Variants in SLC16A6 observed in about 807,000 individuals in gnomAD.
SLC16A6 encodes solute carrier family 16 member 6, also known as monocarboxylate transporter 7.
In SLC16A6, 15 loss-of-function variants were observed where a neutral mutation model predicts 33.8. The observed-to-expected ratio is 0.44, with a 90% confidence interval of 0.30 to 0.68. The LOEUF (loss-of-function observed/expected upper bound fraction) is 0.68. Ranked by LOEUF, SLC16A6 falls within the 30% of genes least tolerant of loss-of-function variation. The pLI is 0.10. For synonymous variants in SLC16A6, 219 were observed against 248.4 expected, an observed-to-expected ratio of 0.88 and a Z score of 1.11; for missense variants, 451 against 661.5, an observed-to-expected ratio of 0.68 and a Z score of 3.49.
chr17:68,280,273 G>A (rs147810065), intron 1 of SLC16A6, among the ~76,000 whole-genome samples: 2,254 of 148,314 alleles, frequency 0.015, 55 homozygotes, highest in African/African-American at 0.054. Flanking sequence ...ATTCTTCACA[G>A]AAATAGAAGA....
intron 1 of SLC16A6, among the ~76,000 whole-genome samples, chr17:68,285,117 G>C (rs979902408): frequency 2.0e-5 from 3 of 152,176 alleles, no homozygotes; most frequent in Admixed American, 2.0e-4. Context: ...CATCTGAAAT[G>C]CATCCTATGT....
chr17:68,267,879 T>A lies in SLC16A6; in HGVS notation c.*1217A>T, dbSNP rs1310639274. On this transcript the variant is annotated 3_prime_UTR_variant, in exon 6 of 6. Coordinates refer to ENST00000580666, the MANE Select transcript of SLC16A6 (RefSeq NM_004694.5). ...CAACTTGTAACTCGCTATAACATAA[T>A]TGTCTCTGTTACCCCCATGTGAAAT... 6.6e-6 allele frequency: 1 copy of A among 152,226 alleles called. No individual in the cohort carries two copies. The highest frequency in any genetic ancestry group is 1.5e-5 in the Non-Finnish European group (1 of 68,032). The allele number at this position is 152,226 out of a possible 1,614,324, so 9.4% of individuals were successfully genotyped here. A position where few individuals can be genotyped will look rare whatever the true frequency, so the allele number is the denominator to read the frequency against.
At chr17:68,277,998 G>A in intron 2 of SLC16A6, 91 bp downstream of exon 2, 2 of 795,674 alleles carry the variant, frequency 2.5e-6, no homozygotes, top group East Asian at 2.6e-5. Context: ...GGGAATGAAA[G>A]CATCACAAAC....
Position 68,273,940 on chromosome 17 carries a change from G to A in SLC16A6, c.363C>T (p.Ile121=), listed in dbSNP as rs149777270. The A allele has an allele frequency of 3.5e-4, 562 of 1,614,056 alleles. 3 individuals carry two copies. The highest frequency in any genetic ancestry group is 7.9e-4 in the African/African-American group (59 of 75,038). The change falls in exon 3 of 6, where the codon ATC becomes ATT. Residue 121 remains isoleucine, a synonymous_variant. Transcript: ENST00000580666. ...AGGAACACTTACCAGAGATGATGCCGATGGCGACGTACATATGAGAAACCT... is the reference window on the plus strand; with the variant it reads ...AGGAACACTTACCAGAGATGATGCCAATGGCGACGTACATATGAGAAACCT... ...SQEVSHMYVA[I]GIISGLGYCF... is the part of the protein sequence containing the mutation.
chr17:68,273,379 C>T (rs1219446991), intron 3 of SLC16A6, among the ~76,000 whole-genome samples: 5 of 152,012 alleles, frequency 3.3e-5, no homozygotes, highest in African/African-American at 7.2e-5. Context: ...CGCACCACCA[C>T]GCTTGGCTAG....
At chr17:68,270,061 A>G (rs553975477) in intron 5 of SLC16A6, among the ~76,000 whole-genome samples, 4 of 152,320 alleles carry the variant, frequency 2.6e-5, no homozygotes, top group South Asian at 2.1e-4. Flanking sequence ...AAACATACCT[A>G]TGTCCCTCCT....
intron 1 of SLC16A6, among the ~76,000 whole-genome samples, chr17:68,280,026 A>G (rs2075641709): frequency 6.6e-6 from 1 of 152,048 alleles, no homozygotes; most frequent in African/African-American, 2.4e-5. Context: ...TACTAAAACT[A>G]CAAAAATTAG....
At position 68,271,799 on chromosome 17, in the gene SLC16A6, CA is replaced by C. The variant is rs782085519; in HGVS notation, c.506-146del. The C allele has an allele frequency of 4.0e-5, 26 of 656,244 alleles. No individual in the cohort carries two copies. The highest frequency in any genetic ancestry group is 6.0e-5 in the Non-Finnish European group (23 of 383,708). The allele number at this position is 656,244 out of a possible 1,614,324, so 40.7% of individuals were successfully genotyped here. A position where few individuals can be genotyped will look rare whatever the true frequency, so the allele number is the denominator to read the frequency against. On this transcript the variant is annotated intron_variant, in intron 4 of 5. Coordinates refer to ENST00000580666, the MANE Select transcript of SLC16A6 (RefSeq NM_004694.5). The surrounding 1 kb of genome is among the most constrained non-coding windows in gnomAD (Gnocchi z 5.3). ...TTATACTCAGCAGTATGAATGTACT[CA>C]ATCTTTATTTATTTACTTTTTGAGA...
chr17:68,271,354 A>G lies in SLC16A6; in HGVS notation c.806T>C (p.Leu269Pro), dbSNP rs1212326503. 1 of 1,614,164 alleles carries G rather than the reference A, an allele frequency of 6.2e-7. No homozygotes were observed. Among genetic ancestry groups the G allele is most frequent in the African/African-American group, 1.3e-5 (1 of 74,950 alleles). The change falls in exon 5 of 6, where the codon CTG becomes CCG. Residue 269 changes from leucine (L) to proline (P), a missense_variant. Physicochemically the swap from Leu to Pro is moderately conservative, Grantham distance 98. Around this residue, in one of 2 missense-constraint regions of SLC16A6, gnomAD observed 405 missense variants for 510.7 expected, o/e 0.79. Coordinates refer to ENST00000580666, the MANE Select transcript of SLC16A6 (RefSeq NM_004694.5). The surrounding 1 kb of genome is among the most constrained non-coding windows in gnomAD (Gnocchi z 5.3). ...LEPKADMQQV[L>P]VKTSPRPSEK... ...GCTTGGCCTGGGGCTGGTCTTCACC[A>G]GGACCTGCTGCATGTCGGCCTTCGG...
intron 1 of SLC16A6, among the ~76,000 whole-genome samples, chr17:68,280,489 G>A (rs187190037): frequency 1.3e-5 from 2 of 152,084 alleles, no homozygotes; most frequent in Admixed American, 6.6e-5. Context: ...TAATCCACAT[G>A]TCTACACCCA....
chr17:68,283,591 C>T (rs912846570), intron 1 of SLC16A6, among the ~76,000 whole-genome samples: 2 of 151,150 alleles, frequency 1.3e-5, no homozygotes, highest in Non-Finnish European at 2.9e-5. Flanking sequence ...GAAGCTGAGG[C>T]GGGTGGATCA....
intron 1 of SLC16A6, 72 bp downstream of exon 1, chr17:68,291,014 A>G (rs2075967105): frequency 1.3e-5 from 2 of 152,196 alleles, no homozygotes; most frequent in African/African-American, 4.8e-5. Flanking sequence ...AGGCCCCAAC[A>G]CATATTTTTT....
At chr17:68,280,815 G>A (rs149632622) in intron 1 of SLC16A6, among the ~76,000 whole-genome samples, 24 of 152,228 alleles carry the variant, frequency 1.6e-4, no homozygotes, top group Middle Eastern at 3.4e-3. Flanking sequence ...CAGATTCTGC[G>A]CAGCAAAGGA....
At chr17:68,282,779 T>TAA (rs36155626) in intron 1 of SLC16A6, among the ~76,000 whole-genome samples, 20 of 53,398 alleles carry the variant, frequency 3.7e-4, no homozygotes, top group Non-Finnish European at 5.0e-4. Context: ...CCATCTCTAC[T>TAA]AAAAAAAAAA....
At chr17:68,277,434 C>G (rs2075560573) in intron 2 of SLC16A6, among the ~76,000 whole-genome samples, 1 of 150,102 alleles carries the variant, frequency 6.7e-6, no homozygotes, top group Admixed American at 6.7e-5. Context: ...CCGGCCGCAA[C>G]TTTTTTCTTT....
chr17:68,274,289 A>T, intron 2 of SLC16A6: 1 of 409,594 alleles, frequency 2.4e-6, no homozygotes. Context: ...AACATGGTGA[A>T]ACCCCGTCTC....
chr17:68,271,374 C>T lies in SLC16A6; in HGVS notation c.786G>A (p.Lys262=). 6.2e-7 allele frequency: 1 copy of T among 1,614,224 alleles called. No homozygotes were observed. The highest frequency in any genetic ancestry group is 8.5e-7 in the Non-Finnish European group (1 of 1,180,038). The change falls in exon 5 of 6, where the codon AAG becomes AAA. Residue 262 remains lysine, a synonymous_variant. Coordinates refer to ENST00000580666, the MANE Select transcript of SLC16A6 (RefSeq NM_004694.5). The surrounding 1 kb of genome is among the most constrained non-coding windows in gnomAD (Gnocchi z 5.3). ...PTHTNLELEP[K]ADMQQVLVKT... ...TCACCAGGACCTGCTGCATGTCGGC[C>T]TTCGGCTCCAGTTCCAGGTTAGTGT...
chr17:68,272,663 A>G lies in SLC16A6; in HGVS notation c.481T>C (p.Phe161Leu), dbSNP rs1464787375. 2 of 1,614,168 alleles carry G rather than the reference A, an allele frequency of 1.2e-6. No homozygotes were observed. Among genetic ancestry groups the G allele is most frequent in the African/African-American group, 2.7e-5 (2 of 75,074 alleles). ...VTAVASTGEC[F>L]AVFAFAPAIM... The stretch of plus-strand genomic sequence containing the variant: ...CCTGGTGCGAAAGCAAACACAGCGA[A>G]ACATTCTCCTGTGGAAGCAACTGCA... Residue 161 changes from phenylalanine to leucine, a missense_variant, in exon 4 of 6, where the codon TTC becomes CTC. Coordinates refer to ENST00000580666, the MANE Select transcript of SLC16A6 (RefSeq NM_004694.5).
rs781947096 is a variant in SLC16A6 at position 68,271,377 on chromosome 17, C to T, written c.783G>A (p.Pro261=). The T allele has an allele frequency of 9.3e-6, 15 of 1,614,122 alleles. No individual in the cohort carries two copies. The highest frequency in any genetic ancestry group is 4.5e-5 in the East Asian group (2 of 44,896). ...VPTHTNLELE[P]KADMQQVLVK... ...CCAGGACCTGCTGCATGTCGGCCTT[C>T]GGCTCCAGTTCCAGGTTAGTGTGAG... Residue 261 remains proline (P), a synonymous_variant, in exon 5 of 6, where the codon CCG becomes CCA. Coordinates refer to ENST00000580666, the MANE Select transcript of SLC16A6 (RefSeq NM_004694.5). The surrounding 1 kb of genome is among the most constrained non-coding windows in gnomAD (Gnocchi z 5.3).
Sources: gnomAD v4.1 joint callset for allele counts (sites outside exome capture counted in the v4.1 genomes callset) on GRCh38, gnomAD v4.1.1 for gene constraint, gnomAD v4.1.1 regional missense constraint, Gnocchi (gnomAD v3.1) non-coding constraint, MANE v1.5 for transcripts, NCBI Gene and HGNC (gene_info 2026-07-23, HGNC 2026-07-21) for gene names.